SLC25A25: variants seen among roughly 807,000 people sequenced by gnomAD.
The protein encoded by SLC25A25 is solute carrier family 25 member 25.
Under a neutral mutation model 57.7 loss-of-function variants are expected in SLC25A25, and 32 were observed. The observed-to-expected ratio is 0.55, with a 90% confidence interval of 0.42 to 0.74. The LOEUF (loss-of-function observed/expected upper bound fraction) is 0.74. SLC25A25 is among the 30% of genes least tolerant of loss of function. SLC25A25 has a pLI of 0.00. For missense variants in SLC25A25, 556 were observed against 701.3 expected (o/e 0.79, Z 2.34); for synonymous variants, 306 against 291.2 (o/e 1.05, Z -0.52).
rs7859709 is a variant in SLC25A25 at position 128,102,397 on chromosome 9, T to C, written c.540T>C (p.Ile180=). The part of the protein sequence containing the change: ...TYMDKNGTMT[I]DWNEWRDYHL... ...TGGATAAAAACGGCACGATGACCATTGACTGGAACGAGTGGAGAGACTACC... is the reference window on the plus strand; with the variant it reads ...TGGATAAAAACGGCACGATGACCATCGACTGGAACGAGTGGAGAGACTACC... Residue 180 remains isoleucine (I), a synonymous_variant, in exon 5 of 11, where the codon ATT becomes ATC. Coordinates refer to ENST00000373069, the MANE Select transcript of SLC25A25 (RefSeq NM_001330988.2). The surrounding 1 kb of genome is among the most constrained non-coding windows in gnomAD (Gnocchi z 4.1). The C allele has an allele frequency of 0.99, 1,600,100 of 1,613,906 alleles. 794,188 individuals are homozygous for C. The highest frequency in any genetic ancestry group is 1 in the East Asian group (44,857 of 44,858).
At chr9:128,071,748 G>T (rs369059172) in intron 1 of SLC25A25, among the ~76,000 whole-genome samples, 2 of 151,104 alleles carry the variant, frequency 1.3e-5, no homozygotes, top group African/African-American at 2.4e-5. Flanking sequence ...GAAGCAGTCC[G>T]CTCTGTCGCC....
At chr9:128,087,843 T>C (rs377521428) in intron 1 of SLC25A25, among the ~76,000 whole-genome samples, 6 of 152,338 alleles carry the variant, frequency 3.9e-5, no homozygotes, top group African/African-American at 7.2e-5. Flanking sequence ...ATCTGAGACA[T>C]TGTAGTTTTT....
intron 1 of SLC25A25, among the ~76,000 whole-genome samples, chr9:128,096,050 C>T (rs1296178942): frequency 2.0e-5 from 3 of 152,102 alleles, no homozygotes; most frequent in Non-Finnish European, 2.9e-5. Flanking sequence ...AGATATTCAA[C>T]AGATCTGTAT....
intron 1 of SLC25A25, among the ~76,000 whole-genome samples, chr9:128,089,627 A>C (rs927108664): frequency 8.2e-6 from 1 of 121,786 alleles, no homozygotes; most frequent in Non-Finnish European, 1.7e-5. Context: ...CTTTCTCTCC[A>C]GATTGTCTTT....
chr9:128,105,806 ACT>A lies in SLC25A25; in HGVS notation c.864_865del (p.Trp289AlafsTer22). 1 of 1,614,044 alleles carries A rather than the reference ACT, an allele frequency of 6.2e-7. No homozygotes were observed. Among genetic ancestry groups the A allele is most frequent in the Non-Finnish European group, 8.5e-7 (1 of 1,180,010 alleles). The part of the protein sequence containing the change: ...QMIREGGARS[L>X]WRGNGINVLK... The stretch of plus-strand genomic sequence containing the variant: ...TGATTCGAGAAGGAGGGGCCAGGTC[ACT>A]CTGGCGGGGCAATGGCATCAACGTC... On this transcript the variant is annotated frameshift_variant, in exon 7 of 11. Transcript: ENST00000373069. LOFTEE classifies it high-confidence loss of function.
intron 1 of SLC25A25, among the ~76,000 whole-genome samples, chr9:128,086,302 C>T (rs1195394665): frequency 6.7e-6 from 1 of 148,268 alleles, no homozygotes; most frequent in African/African-American, 2.5e-5. Context: ...CCTAGGACTA[C>T]AGGTGTGAGC....
intron 1 of SLC25A25, among the ~76,000 whole-genome samples, chr9:128,086,396 C>T (rs1423444558): frequency 2.1e-5 from 3 of 146,022 alleles, no homozygotes; most frequent in East Asian, 2.0e-4. Flanking sequence ...TGCAATGGCG[C>T]GATCTCAGCG....
At chr9:128,090,503 T>G (rs1588765697) in intron 1 of SLC25A25, among the ~76,000 whole-genome samples, 1 of 152,038 alleles carries the variant, frequency 6.6e-6, no homozygotes, top group South Asian at 2.1e-4. Context: ...GGCCTTGTGT[T>G]TGTATTTTTA....
Position 128,107,657 on chromosome 9 carries a change from C to T in SLC25A25, c.*213C>T, listed in dbSNP as rs1652153108. On this transcript the variant is annotated 3_prime_UTR_variant, in exon 11 of 11. Transcript: ENST00000373069. ...ACCCTCCTGTTGGTTCCAGCGAAGA[C>T]CACAGGCATTCCTTAGGGTCCAGGG... 1 of 479,006 alleles carries T rather than the reference C, an allele frequency of 2.1e-6. No homozygotes were observed. Among genetic ancestry groups the T allele is most frequent in the African/African-American group, 2.0e-5 (1 of 51,256 alleles). The allele number at this position is 479,006 out of a possible 1,614,324, so 29.7% of individuals were successfully genotyped here. A position where few individuals can be genotyped will look rare whatever the true frequency, so the allele number is the denominator to read the frequency against.
chr9:128,081,952 G>T (rs1193549626), intron 1 of SLC25A25, among the ~76,000 whole-genome samples: 1 of 152,024 alleles, frequency 6.6e-6, no homozygotes, highest in Non-Finnish European at 1.5e-5. Flanking sequence ...ATATTTCCAA[G>T]CAGACCCTTG....
At chr9:128,079,332 A>G (rs1425224005) in intron 1 of SLC25A25, among the ~76,000 whole-genome samples, 1 of 149,616 alleles carries the variant, frequency 6.7e-6, no homozygotes, top group Non-Finnish European at 1.5e-5. Context: ...CTAATGTGAC[A>G]CTTCTTCCAA....
intron 1 of SLC25A25, among the ~76,000 whole-genome samples, chr9:128,079,802 C>T (rs1297456889): frequency 4.0e-5 from 6 of 151,174 alleles, no homozygotes; most frequent in Non-Finnish European, 7.4e-5. Flanking sequence ...ACCATCCTGG[C>T]CAACATGGTG....
chr9:128,105,916 A>G, intron 7 of SLC25A25, 35 bp downstream of exon 7: 1 of 1,604,046 alleles, frequency 6.2e-7, no homozygotes, highest in Non-Finnish European at 8.5e-7. Flanking sequence ...GTCACCGGCC[A>G]GTGGCTACTC....
chr9:128,072,668 G>A (rs963896048), intron 1 of SLC25A25, among the ~76,000 whole-genome samples: 8 of 152,100 alleles, frequency 5.3e-5, no homozygotes, highest in Non-Finnish European at 1.0e-4. Context: ...CTTTGTAAAG[G>A]GCATGTAAGC....
chr9:128,090,825 A>G (rs1588766041), intron 1 of SLC25A25: 1 of 152,324 alleles, frequency 6.6e-6, no homozygotes, highest in Middle Eastern at 3.4e-3. Flanking sequence ...CAATCAATCA[A>G]TCAATAAAGG....
intron 6 of SLC25A25, 128 bp from the exon 7 acceptor site, chr9:128,105,601 G>A (rs761691600): frequency 1.4e-6 from 2 of 1,402,728 alleles, no homozygotes; most frequent in Non-Finnish European, 2.0e-6. Flanking sequence ...TTCCAAGCTT[G>A]TCTTCAAAAT....
chr9:128,105,894 C>G lies in SLC25A25; in HGVS notation c.936+13C>G. On this transcript the variant is annotated intron_variant, in intron 7 of 10. Transcript: ENST00000373069. ...GGCCTATGAGCAGGTGAGGACCCAG[C>G]TCCTCAGGAGGGTCACCGGCCAGTG... is the stretch of plus-strand genomic sequence containing the variant. 9.3e-6 allele frequency: 15 copies of G among 1,612,560 alleles called. No homozygotes were observed. Among genetic ancestry groups the G allele is most frequent in the Non-Finnish European group, 1.3e-5 (15 of 1,179,056 alleles).
At chr9:128,075,639 C>T (rs1458385535) in intron 1 of SLC25A25, among the ~76,000 whole-genome samples, 1 of 151,966 alleles carries the variant, frequency 6.6e-6, no homozygotes, top group Non-Finnish European at 1.5e-5. Flanking sequence ...GTCAGGAGTT[C>T]GAGACTAGCC....
intron 1 of SLC25A25, chr9:128,091,794 G>GC: frequency 6.6e-7 from 1 of 1,511,696 alleles, no homozygotes; most frequent in Non-Finnish European, 8.8e-7. Flanking sequence ...CAGCTGTGTA[G>GC]CCAGAGAGCG....
Sources: allele counts gnomAD v4.1 joint callset (sites outside exome capture counted in the v4.1 genomes callset), GRCh38; gene constraint gnomAD v4.1.1; non-coding constraint Gnocchi (gnomAD v3.1); transcripts MANE v1.5; gene names NCBI Gene and HGNC (gene_info 2026-07-23, HGNC 2026-07-21).